SPON1: variants seen among roughly 807,000 people sequenced by gnomAD.
SPON1 encodes spondin 1.
A neutral mutation model predicts 111.7 loss-of-function variants in SPON1; 52 were observed. That is an observed-to-expected ratio of 0.47 (90% CI 0.37 to 0.59). The LOEUF (loss-of-function observed/expected upper bound fraction) is 0.59. Among genes scored for constraint, SPON1 ranks in the 20% least tolerant of loss-of-function variants. The probability of loss-of-function intolerance (pLI) is 0.00; values close to 1 mark genes in which losing one functional copy is unlikely to be tolerated. For synonymous variants in SPON1, 410 were observed against 395.8 expected, an observed-to-expected ratio of 1.04 and a Z score of -0.43; for missense variants, 957 against 1,068.5, an observed-to-expected ratio of 0.90 and a Z score of 1.46.
intron 2 of SPON1, among the ~76,000 whole-genome samples, chr11:14,005,857 G>A (rs1239958454): frequency 6.6e-6 from 1 of 152,116 alleles, no homozygotes. Context: ...AGAGACCTGG[G>A]TTCAAATCCT....
At chr11:13,970,742 G>T (rs1259631983) in intron 1 of SPON1, among the ~76,000 whole-genome samples, 1 of 152,146 alleles carries the variant, frequency 6.6e-6, no homozygotes, top group African/African-American at 2.4e-5. Context: ...TTGCATGGCT[G>T]ACTCCTTGTC....
At position 14,192,619 on chromosome 11, in the gene SPON1, C is replaced by T. The variant is rs78001569; in HGVS notation, c.826-50713C>T. Among the ~76,000 whole-genome samples the T allele has an allele frequency of 5.0e-3, 758 of 151,536 alleles. 3 individuals are homozygous for T. The highest frequency in any genetic ancestry group is 0.018 in the African/African-American group (730 of 40,934). On this transcript the variant is annotated intron_variant, in intron 6 of 15. Coordinates refer to ENST00000576479, the MANE Select transcript of SPON1 (RefSeq NM_006108.4). ...TGTCAGACTATTGTCCAAATGCCCTCCCTCACGGTACACCCTCCTCCAAGC... is the reference window on the plus strand; with the variant it reads ...TGTCAGACTATTGTCCAAATGCCCTTCCTCACGGTACACCCTCCTCCAAGC...
intron 2 of SPON1, among the ~76,000 whole-genome samples, chr11:14,007,499 G>A (rs1166185392): frequency 6.6e-6 from 1 of 150,570 alleles, no homozygotes; most frequent in Non-Finnish European, 1.5e-5. Context: ...TTCATTGACA[G>A]CTAATTAGAT....
At chr11:13,979,557 C>T (rs1554909364) in intron 1 of SPON1, among the ~76,000 whole-genome samples, 1 of 152,108 alleles carries the variant, frequency 6.6e-6, no homozygotes, top group African/African-American at 2.4e-5. Flanking sequence ...AGCCTGTGAT[C>T]CCAGGCATGG....
intron 5 of SPON1, among the ~76,000 whole-genome samples, chr11:14,100,436 C>T (rs2133843271): frequency 6.6e-6 from 1 of 151,794 alleles, no homozygotes; most frequent in African/African-American, 2.4e-5. Context: ...TTATTTTCTT[C>T]TGCTGGATTA....
chr11:14,056,746 C>T (rs904411579), intron 3 of SPON1, among the ~76,000 whole-genome samples: 8 of 152,154 alleles, frequency 5.3e-5, no homozygotes, highest in South Asian at 4.2e-4. Flanking sequence ...AAAAAATTAG[C>T]CAGGCGTGGT....
At chr11:14,056,163 G>A (rs1848743233) in intron 3 of SPON1, among the ~76,000 whole-genome samples, 1 of 152,094 alleles carries the variant, frequency 6.6e-6, no homozygotes, top group East Asian at 1.9e-4. Flanking sequence ...CATAACATGG[G>A]GGTGGTAATA....
chr11:14,226,744 T>G (rs1289753749), intron 6 of SPON1, among the ~76,000 whole-genome samples: 1 of 152,204 alleles, frequency 6.6e-6, no homozygotes, highest in Non-Finnish European at 1.5e-5. Flanking sequence ...ACAAATCTGG[T>G]GCCTTGGGGT....
At chr11:14,063,723 C>CT (rs368328866) in intron 3 of SPON1, among the ~76,000 whole-genome samples, 2 of 152,208 alleles carry the variant, frequency 1.3e-5, no homozygotes, top group African/African-American at 4.8e-5. Flanking sequence ...CAGCAAGTGT[C>CT]TTTTTTATAA....
chr11:14,157,524 T>G (rs577446433), intron 6 of SPON1, among the ~76,000 whole-genome samples: 3 of 152,320 alleles, frequency 2.0e-5, no homozygotes, highest in East Asian at 3.9e-4. Flanking sequence ...TTATTTATAT[T>G]TATTGTTTTT....
At chr11:14,237,941 G>A (rs1428069622) in intron 6 of SPON1, among the ~76,000 whole-genome samples, 2 of 152,228 alleles carry the variant, frequency 1.3e-5, no homozygotes, top group Non-Finnish European at 2.9e-5. Context: ...TGGGTTCATG[G>A]TGGCAACGGG....
rs141256153 is a variant in SPON1, at chr11:13,994,738, G to C, written c.345+11785G>C. Among the ~76,000 whole-genome samples, 3 of 152,264 alleles carry C rather than the reference G, an allele frequency of 2.0e-5. No homozygotes were observed. In the East Asian group the frequency reaches 5.8e-4, roughly 29 times the overall value. The stretch of plus-strand genomic sequence containing the variant: ...CAACAATAACAAGAAAAATACTCTA[G>C]AACTTTCAGTTGCCATTAAGTAAGT... On this transcript the variant is annotated intron_variant, in intron 2 of 15. Coordinates refer to ENST00000576479, the MANE Select transcript of SPON1 (RefSeq NM_006108.4).
chr11:14,086,756 G>C (rs1315704447), intron 5 of SPON1, among the ~76,000 whole-genome samples: 1 of 152,200 alleles, frequency 6.6e-6, no homozygotes, highest in African/African-American at 2.4e-5. Flanking sequence ...GCAGAATTCA[G>C]CTGTGAATCC....
At chr11:14,148,609 T>C (rs1236057175) in intron 6 of SPON1, among the ~76,000 whole-genome samples, 1 of 152,186 alleles carries the variant, frequency 6.6e-6, no homozygotes, top group African/African-American at 2.4e-5. Context: ...AGTCCACCTG[T>C]TATTTTAGGT....
chr11:14,160,403 TTATA>T (rs1330669834), intron 6 of SPON1, among the ~76,000 whole-genome samples: 1 of 27,672 alleles, frequency 3.6e-5, no homozygotes, highest in Admixed American at 6.8e-4. Context: ...ATATATATAT[TTATA>T]TATATATATT....
chr11:14,265,844 T>A lies in SPON1; in HGVS notation c.*157T>A. ...TTGTGGATGCCAGAGACATCCTTTC[T>A]GAATACTTCTTGATGGGTACAGGCT... On this transcript the variant is annotated 3_prime_UTR_variant, in exon 16 of 16. Transcript: ENST00000576479. 4.8e-6 allele frequency: 4 copies of A among 840,972 alleles called. No homozygotes were observed. Among genetic ancestry groups the A allele is most frequent in the Non-Finnish European group, 1.8e-6 (1 of 554,124 alleles). The allele number at this position is 840,972 out of a possible 1,614,324, so 52.1% of individuals were successfully genotyped here. A position where few individuals can be genotyped will look rare whatever the true frequency, so the allele number is the denominator to read the frequency against.
At chr11:14,044,738 G>A (rs1848655857) in intron 3 of SPON1, among the ~76,000 whole-genome samples, 1 of 152,190 alleles carries the variant, frequency 6.6e-6, no homozygotes, top group South Asian at 2.1e-4. Context: ...ATTCACGAAG[G>A]TAATCATAAA....
intron 2 of SPON1, among the ~76,000 whole-genome samples, chr11:14,011,390 G>A (rs1367013567): frequency 9.3e-6 from 1 of 107,128 alleles, no homozygotes; most frequent in Non-Finnish European, 2.5e-5. Context: ...TATGTACTGT[G>A]TCATCAGAAA....
chr11:14,022,508 G>A (rs907121472), intron 2 of SPON1, among the ~76,000 whole-genome samples: 6 of 152,158 alleles, frequency 3.9e-5, no homozygotes, highest in African/African-American at 9.7e-5. Context: ...AAATATGACC[G>A]GGTGGAATAT....
Sources: gnomAD v4.1 joint callset for allele counts (sites outside exome capture counted in the v4.1 genomes callset) on GRCh38, gnomAD v4.1.1 for gene constraint, MANE v1.5 for transcripts, NCBI Gene and HGNC (gene_info 2026-07-23, HGNC 2026-07-21) for gene names.